Variants in AGBL1 observed in about 807,000 individuals in gnomAD.
AGBL1 encodes AGBL carboxypeptidase 1, also known as cytosolic carboxypeptidase 4.
AGBL1 carries 130 observed loss-of-function variants against 118.9 expected under a neutral mutation model. The ratio of observed to expected loss-of-function variants is 1.09; its 90% CI spans 0.95 to 1.26. The LOEUF (loss-of-function observed/expected upper bound fraction) is 1.26. AGBL1 is among the 50% of genes most tolerant of loss of function. The pLI is 0.00. For synonymous variants in AGBL1, 555 were observed against 478.9 expected (o/e 1.16, Z -2.08); for missense variants, 1,584 against 1,298.1 (o/e 1.22, Z -3.38).
intron 18 of AGBL1, among the ~76,000 whole-genome samples, chr15:86,493,611 C>T (rs898528962): frequency 6.6e-6 from 1 of 152,040 alleles, no homozygotes; most frequent in Non-Finnish European, 1.5e-5. Flanking sequence ...TCTTCCCCAA[C>T]ATTTTCAAGA....
At chr15:86,666,566 C>T (rs975010896) in intron 21 of AGBL1, among the ~76,000 whole-genome samples, 1 of 152,036 alleles carries the variant, frequency 6.6e-6, no homozygotes. Context: ...TAGGAAATAA[C>T]AGTGGTGAAA....
At chr15:86,753,233 C>T (rs560539412) in intron 22 of AGBL1, among the ~76,000 whole-genome samples, 1 of 152,012 alleles carries the variant, frequency 6.6e-6, no homozygotes, top group South Asian at 2.1e-4. Context: ...GTTTTTCTGG[C>T]TCAATCTCCA....
At chr15:86,376,296 C>T (rs1044815878) in intron 17 of AGBL1, among the ~76,000 whole-genome samples, 2 of 152,226 alleles carry the variant, frequency 1.3e-5, no homozygotes, top group African/African-American at 4.8e-5. Context: ...ACTGCCCTCA[C>T]TCTGTACTAA....
At chr15:86,516,132 G>C (rs2083117778) in intron 18 of AGBL1, among the ~76,000 whole-genome samples, 1 of 152,290 alleles carries the variant, frequency 6.6e-6, no homozygotes, top group South Asian at 2.1e-4. Flanking sequence ...ACTTATGCCT[G>C]AGTCTGGCTT....
intron 22 of AGBL1, among the ~76,000 whole-genome samples, chr15:86,856,121 C>G (rs2079476060): frequency 6.6e-6 from 1 of 152,194 alleles, no homozygotes; most frequent in Middle Eastern, 3.2e-3. Context: ...AAGGGGTGGA[C>G]AGCAGGCAGG....
intron 18 of AGBL1, among the ~76,000 whole-genome samples, chr15:86,413,768 T>A (rs892657900): frequency 5.3e-5 from 8 of 152,174 alleles, no homozygotes; most frequent in African/African-American, 1.9e-4. Context: ...AAATTCTGGA[T>A]ATTAGTCCCT....
chr15:86,906,038 C>T (rs910010422), intron 22 of AGBL1, among the ~76,000 whole-genome samples: 13 of 152,216 alleles, frequency 8.5e-5, no homozygotes, highest in African/African-American at 2.9e-4. Context: ...AAGACACTGG[C>T]CTTTGATTCA....
intron 22 of AGBL1, among the ~76,000 whole-genome samples, chr15:86,877,964 C>T (rs1290886633): frequency 1.3e-5 from 2 of 152,166 alleles, no homozygotes; most frequent in Non-Finnish European, 2.9e-5. Context: ...TCATGGATAA[C>T]CCAGCCTCCA....
At chr15:86,642,457 G>A (rs867256497) in intron 21 of AGBL1, among the ~76,000 whole-genome samples, 32 of 151,674 alleles carry the variant, frequency 2.1e-4, no homozygotes, top group African/African-American at 4.1e-4. Context: ...TTCTTCCAGC[G>A]TTTCACTATA....
At chr15:86,707,443 T>A (rs2086471971) in intron 22 of AGBL1, among the ~76,000 whole-genome samples, 1 of 152,160 alleles carries the variant, frequency 6.6e-6, no homozygotes, top group African/African-American at 2.4e-5. Context: ...GTTTTTGTTT[T>A]TCCCAGCTCT....
At chr15:86,147,003 T>A (rs2077041623) in intron 3 of AGBL1, among the ~76,000 whole-genome samples, 1 of 152,182 alleles carries the variant, frequency 6.6e-6, no homozygotes, top group South Asian at 2.1e-4. Flanking sequence ...GGTATCATAG[T>A]GGGGGCAAAG....
intron 22 of AGBL1, among the ~76,000 whole-genome samples, chr15:86,776,232 C>G (rs1046311890): frequency 1.3e-5 from 2 of 152,126 alleles, no homozygotes; most frequent in Admixed American, 1.3e-4. Context: ...TACTGAGAGA[C>G]AGTACCTTTC....
chr15:86,901,942 A>G (rs571355583), intron 22 of AGBL1, among the ~76,000 whole-genome samples: 2 of 152,256 alleles, frequency 1.3e-5, no homozygotes, highest in South Asian at 2.1e-4. Context: ...AATATTAATA[A>G]TAATACATTT....
chr15:86,371,722 C>T (rs1345897348), intron 17 of AGBL1, among the ~76,000 whole-genome samples: 1 of 152,088 alleles, frequency 6.6e-6, no homozygotes, highest in East Asian at 1.9e-4. Context: ...TTATCTTTCC[C>T]TTCATAGAAA....
intron 17 of AGBL1, among the ~76,000 whole-genome samples, chr15:86,326,538 T>C (rs2080186834): frequency 1.3e-5 from 2 of 152,200 alleles, no homozygotes; most frequent in South Asian, 2.1e-4. Flanking sequence ...TAGAGAAGTT[T>C]GGCTGGTGGG....
chr15:86,807,571 C>T (rs1044259361), intron 22 of AGBL1, among the ~76,000 whole-genome samples: 1 of 151,988 alleles, frequency 6.6e-6, no homozygotes, highest in African/African-American at 2.4e-5. Flanking sequence ...AGAGGCCATG[C>T]AGCCTATAGG....
At chr15:86,543,799 C>T (rs954941628) in intron 19 of AGBL1, among the ~76,000 whole-genome samples, 11 of 152,214 alleles carry the variant, frequency 7.2e-5, no homozygotes, top group African/African-American at 2.7e-4. Context: ...TGTTATGAAC[C>T]AGCAACTGCT....
chr15:86,115,222 G>A (rs528956115), intron 1 of AGBL1, among the ~76,000 whole-genome samples: 1 of 152,286 alleles, frequency 6.6e-6, no homozygotes, highest in East Asian at 1.9e-4. Context: ...GTCCCATGAT[G>A]CAGGGGAGTA....
chr15:86,990,526 G>A (rs967181235), intron 24 of AGBL1, among the ~76,000 whole-genome samples: 14 of 151,656 alleles, frequency 9.2e-5, no homozygotes, highest in Non-Finnish European at 1.8e-4. Flanking sequence ...AAAAAAAAAA[G>A]AGAAAGGTTT....
Sources: allele counts gnomAD v4.1 joint callset (sites outside exome capture counted in the v4.1 genomes callset), GRCh38; gene constraint gnomAD v4.1.1; transcripts MANE v1.5; gene names NCBI Gene and HGNC (gene_info 2026-07-23, HGNC 2026-07-21).